The following UBE2E2 variants were observed in gnomAD, a reference collection of about 807,000 sequenced individuals.
The protein encoded by UBE2E2 is ubiquitin-conjugating enzyme E2 E2.
Under a neutral mutation model 24.7 loss-of-function variants are expected in UBE2E2, and 6 were observed. The observed-to-expected ratio is 0.24, with a 90% CI of 0.13 to 0.48. The LOEUF is 0.48. Among genes scored for constraint, UBE2E2 ranks in the 20% least tolerant of loss-of-function variants. The probability of loss-of-function intolerance (pLI) is 0.99; values close to 1 mark genes in which losing one functional copy is unlikely to be tolerated. For missense variants in UBE2E2, 169 were observed against 245.0 expected (o/e 0.69, Z 2.07); for synonymous variants, 104 against 83.6 (o/e 1.24, Z -1.33).
chr3:23,585,370 C>CAAAAA (rs71620785), intron 5 of UBE2E2, among the ~76,000 whole-genome samples: 1 of 86,140 alleles, frequency 1.2e-5, no homozygotes, highest in Non-Finnish European at 2.3e-5. Flanking sequence ...GACCCTGTCT[C>CAAAAA]AAAAAAAAAA....
At chr3:23,276,747 T>C (rs1698382621) in intron 3 of UBE2E2, among the ~76,000 whole-genome samples, 1 of 152,112 alleles carries the variant, frequency 6.6e-6, no homozygotes. Flanking sequence ...ATTCAAGATA[T>C]TTCAGGATAC....
chr3:23,436,733 G>A (rs1320502078), intron 3 of UBE2E2, among the ~76,000 whole-genome samples: 4 of 151,994 alleles, frequency 2.6e-5, no homozygotes, highest in African/African-American at 9.7e-5. Flanking sequence ...TTATTAGAAC[G>A]TCTTAAGTTC....
chr3:23,244,247 T>C (rs1291849936), intron 3 of UBE2E2, among the ~76,000 whole-genome samples: 2 of 152,212 alleles, frequency 1.3e-5, no homozygotes, highest in Non-Finnish European at 2.9e-5. Context: ...GTGAGAATTT[T>C]AACCAAGAAA....
intron 3 of UBE2E2, among the ~76,000 whole-genome samples, chr3:23,332,965 CA>C (rs1311163563): frequency 6.6e-6 from 1 of 152,166 alleles, no homozygotes. Context: ...TTTCGTTTTA[CA>C]GGTGATAAAA....
At chr3:23,304,238 C>G (rs915198078) in intron 3 of UBE2E2, among the ~76,000 whole-genome samples, 3 of 152,074 alleles carry the variant, frequency 2.0e-5, no homozygotes, top group African/African-American at 7.2e-5. Flanking sequence ...TAAATATTTT[C>G]AAATAAAGAT....
intron 3 of UBE2E2, among the ~76,000 whole-genome samples, chr3:23,266,251 T>A (rs1312076202): frequency 6.6e-6 from 1 of 152,232 alleles, no homozygotes; most frequent in East Asian, 1.9e-4. Flanking sequence ...TCGATGGTCT[T>A]TACAATTTGG....
intron 2 of UBE2E2, among the ~76,000 whole-genome samples, chr3:23,210,101 G>A (rs1015730350): frequency 6.6e-6 from 1 of 152,108 alleles, no homozygotes; most frequent in African/African-American, 2.4e-5. Flanking sequence ...TGGAAAATGG[G>A]GGGTGGGGTT....
chr3:23,555,232 T>C (rs1411661202), intron 5 of UBE2E2, among the ~76,000 whole-genome samples: 1 of 152,108 alleles, frequency 6.6e-6, no homozygotes, highest in African/African-American at 2.4e-5. Flanking sequence ...GAATAGACAT[T>C]TATCCAAAGA....
chr3:23,213,031 G>A (rs1292459156), intron 2 of UBE2E2, among the ~76,000 whole-genome samples: 1 of 152,044 alleles, frequency 6.6e-6, no homozygotes, highest in African/African-American at 2.4e-5. Flanking sequence ...GTTTTCGCTA[G>A]GTGATTCAAT....
intron 5 of UBE2E2, among the ~76,000 whole-genome samples, chr3:23,573,853 C>T (rs969183503): frequency 6.6e-6 from 1 of 152,040 alleles, no homozygotes; most frequent in Non-Finnish European, 1.5e-5. Context: ...AATAAGCTCT[C>T]CTTTTTCTTG....
At chr3:23,529,378 G>A (rs1473517161) in intron 4 of UBE2E2, among the ~76,000 whole-genome samples, 2 of 152,112 alleles carry the variant, frequency 1.3e-5, no homozygotes, top group Admixed American at 6.6e-5. Context: ...GTTTTCATTG[G>A]GGAAAATTGA....
chr3:23,212,454 A>T (rs1559440642), intron 2 of UBE2E2, among the ~76,000 whole-genome samples: 1 of 152,118 alleles, frequency 6.6e-6, no homozygotes, highest in African/African-American at 2.4e-5. Flanking sequence ...CTATTTTGAG[A>T]TCTTCTTTGA....
chr3:23,472,548 C>G (rs2125435248), intron 3 of UBE2E2, among the ~76,000 whole-genome samples: 1 of 151,080 alleles, frequency 6.6e-6, no homozygotes, highest in East Asian at 1.9e-4. Context: ...GAAATAACTT[C>G]ACAGTTATTC....
intron 3 of UBE2E2, among the ~76,000 whole-genome samples, chr3:23,450,670 T>A (rs1196280314): frequency 6.6e-6 from 1 of 152,206 alleles, no homozygotes; most frequent in Admixed American, 6.5e-5. Flanking sequence ...TTTAAAATTA[T>A]GAAGTATCTA....
intron 2 of UBE2E2, among the ~76,000 whole-genome samples, chr3:23,216,002 A>T (rs1455532656): frequency 6.6e-6 from 1 of 152,172 alleles, no homozygotes; most frequent in Non-Finnish European, 1.5e-5. Context: ...GTGTGTTAAA[A>T]GAGATCACGG....
chr3:23,509,383 C>T (rs1050375951), intron 4 of UBE2E2, among the ~76,000 whole-genome samples: 2 of 151,954 alleles, frequency 1.3e-5, no homozygotes, highest in African/African-American at 2.4e-5. Context: ...TAATATTCTA[C>T]GTGTGATGAA....
At chr3:23,261,070 T>G (rs1239178230) in intron 3 of UBE2E2, among the ~76,000 whole-genome samples, 1 of 151,796 alleles carries the variant, frequency 6.6e-6, no homozygotes, top group Non-Finnish European at 1.5e-5. Context: ...GCCACTGCAC[T>G]CCAGCCTGGG....
chr3:23,263,978 C>T (rs1194924445), intron 3 of UBE2E2, among the ~76,000 whole-genome samples: 4 of 152,124 alleles, frequency 2.6e-5, no homozygotes, highest in Non-Finnish European at 4.4e-5. Flanking sequence ...TACAGGGTAT[C>T]CGTGGTGACT....
intron 1 of UBE2E2, among the ~76,000 whole-genome samples, chr3:23,205,715 T>A (rs1398819423): frequency 6.6e-6 from 1 of 152,188 alleles, no homozygotes; most frequent in African/African-American, 2.4e-5. Flanking sequence ...TGGGAATAAT[T>A]CTTTTCCTTA....
Sources: allele counts gnomAD v4.1 joint callset (sites outside exome capture counted in the v4.1 genomes callset), GRCh38; gene constraint gnomAD v4.1.1; transcripts MANE v1.5; gene names NCBI Gene and HGNC (gene_info 2026-07-23, HGNC 2026-07-21).